The following DNAAF11 variants were observed in gnomAD, a reference collection of about 807,000 sequenced individuals.
The protein encoded by DNAAF11 is leucine rich repeat containing 6.
Under a neutral mutation model 60.8 loss-of-function variants are expected in DNAAF11, and 45 were observed. The ratio of observed to expected loss-of-function variants is 0.74; its 90% CI spans 0.58 to 0.95. The LOEUF (loss-of-function observed/expected upper bound fraction) is 0.95, where lower values mean the gene tolerates loss of function less well. Among genes scored for constraint, DNAAF11 ranks in the 40% least tolerant of loss-of-function variants. DNAAF11 has a pLI of 0.00. For synonymous variants in DNAAF11, 191 were observed against 183.5 expected, an observed-to-expected ratio of 1.04 and a Z score of -0.33; for missense variants, 546 against 546.2, an observed-to-expected ratio of 1.00 and a Z score of 0.00.
chr8:132,577,641 T>C (rs762154066), intron 11 of DNAAF11, among the ~76,000 whole-genome samples: 1 of 152,220 alleles, frequency 6.6e-6, no homozygotes, highest in Non-Finnish European at 1.5e-5. Flanking sequence ...CAATAGCCAC[T>C]GACATTGACA....
rs370428636 is a variant in DNAAF11 at position 132,617,151 on chromosome 8, A to T, written c.915-2054T>A. ...TATATTCTTAACAACATAACTGAATAGACAAGTCTTGAGCTCAGAGAAGAG... is the reference window on the plus strand; with the variant it reads ...TATATTCTTAACAACATAACTGAATTGACAAGTCTTGAGCTCAGAGAAGAG... On this transcript the variant is annotated intron_variant, in intron 7 of 11. Coordinates refer to ENST00000620350, the MANE Select transcript of DNAAF11 (RefSeq NM_012472.6). Among the ~76,000 whole-genome samples, 6 of 152,324 alleles carry T rather than the reference A, an allele frequency of 3.9e-5. 1 individual carries two copies. Among genetic ancestry groups the T allele is most frequent in the African/African-American group, 1.4e-4 (6 of 41,586 alleles).
chr8:132,671,700 A>G (rs928097188), intron 1 of DNAAF11, among the ~76,000 whole-genome samples: 2 of 152,194 alleles, frequency 1.3e-5, no homozygotes, highest in Non-Finnish European at 2.9e-5. Context: ...TGAATCAGAA[A>G]AGAAAGTCGA....
chr8:132,592,220 C>T (rs79170356), intron 10 of DNAAF11, among the ~76,000 whole-genome samples: 1 of 152,184 alleles, frequency 6.6e-6, no homozygotes, highest in Non-Finnish European at 1.5e-5. Flanking sequence ...CAAGTCAGCA[C>T]ACAGCTTTAG....
chr8:132,598,011 T>G (rs906942331), intron 10 of DNAAF11, among the ~76,000 whole-genome samples: 12 of 152,218 alleles, frequency 7.9e-5, no homozygotes, highest in African/African-American at 2.9e-4. Context: ...AAAAGTAATC[T>G]GGCTGTAGAT....
chr8:132,672,784 G>A (rs564025716), intron 1 of DNAAF11, among the ~76,000 whole-genome samples: 2 of 152,176 alleles, frequency 1.3e-5, no homozygotes, highest in Non-Finnish European at 2.9e-5. Flanking sequence ...AGGAGGTTGA[G>A]AATTGTGGAA....
intron 3 of DNAAF11, among the ~76,000 whole-genome samples, chr8:132,652,655 G>T (rs1248222628): frequency 6.6e-6 from 1 of 152,084 alleles, no homozygotes; most frequent in Non-Finnish European, 1.5e-5. Context: ...CATGGATGAC[G>T]CTGGAAACCA....
intron 6 of DNAAF11, 151 bp from the exon 7 acceptor site, chr8:132,622,839 G>A: frequency 1.6e-6 from 1 of 607,572 alleles, no homozygotes; most frequent in Non-Finnish European, 2.9e-6. Context: ...TTGTTCTTAA[G>A]TCCATTCCTT....
intron 5 of DNAAF11, among the ~76,000 whole-genome samples, chr8:132,628,956 G>C (rs1321706429): frequency 6.6e-6 from 1 of 152,110 alleles, no homozygotes; most frequent in African/African-American, 2.4e-5. Flanking sequence ...ATCAGACAAG[G>C]ATATTATAGC....
intron 1 of DNAAF11, among the ~76,000 whole-genome samples, chr8:132,665,252 A>C (rs1824520612): frequency 6.6e-6 from 1 of 152,136 alleles, no homozygotes; most frequent in South Asian, 2.1e-4. Flanking sequence ...CCCGAGAAGA[A>C]ATGTGTAAAG....
At position 132,570,614 on chromosome 8, in the gene DNAAF11, C is replaced by T. The variant is rs1335935774; in HGVS notation, c.*1692G>A. Among the ~76,000 whole-genome samples, 3 of 152,280 alleles carry T rather than the reference C, an allele frequency of 2.0e-5. No homozygotes were observed. Among genetic ancestry groups the T allele is most frequent in the East Asian group, 3.9e-4 (2 of 5,170 alleles). On this transcript the variant is annotated 3_prime_UTR_variant, in exon 12 of 12. Transcript: ENST00000620350. Reference sequence around the variant, plus strand: ...CTGTTTTCCAGAATTTCCTTCCCTACGTGGTTCCTGGGTAGAGTTGACCAT... The same window carrying T: ...CTGTTTTCCAGAATTTCCTTCCCTATGTGGTTCCTGGGTAGAGTTGACCAT...
intron 8 of DNAAF11, 23 bp from the exon 9 acceptor site, chr8:132,611,386 T>C: frequency 1.0e-5 from 14 of 1,402,852 alleles, no homozygotes; most frequent in Non-Finnish European, 1.4e-5. Context: ...ACACAGAAAA[T>C]CTTATAATTT....
intron 3 of DNAAF11, among the ~76,000 whole-genome samples, chr8:132,656,351 A>G (rs967727357): frequency 6.6e-6 from 1 of 152,206 alleles, no homozygotes; most frequent in African/African-American, 2.4e-5. Context: ...ATGGACTTCC[A>G]TTTTTGAATT....
intron 10 of DNAAF11, among the ~76,000 whole-genome samples, chr8:132,603,903 C>A (rs1229623822): frequency 6.6e-6 from 1 of 151,922 alleles, no homozygotes; most frequent in Non-Finnish European, 1.5e-5. Context: ...GAAATAGGAT[C>A]CAATACACAT....
At chr8:132,589,318 G>C (rs1367815701) in intron 10 of DNAAF11, among the ~76,000 whole-genome samples, 2 of 152,150 alleles carry the variant, frequency 1.3e-5, no homozygotes, top group Non-Finnish European at 2.9e-5. Flanking sequence ...CTGAAAAACA[G>C]ACAAAAGAGA....
chr8:132,636,668 C>T (rs764517816), intron 4 of DNAAF11, among the ~76,000 whole-genome samples: 27 of 152,286 alleles, frequency 1.8e-4, no homozygotes, highest in Non-Finnish European at 2.5e-4. Flanking sequence ...TCCAAGGGAA[C>T]GGCTCACAGC....
In DNAAF11 at chr8:132,625,460, A is replaced by G; in HGVS notation, c.654-6T>C. On this transcript the variant is annotated splice_region_variant and splice_polypyrimidine_tract_variant and intron_variant, in intron 5 of 11. Transcript: ENST00000620350. The stretch of plus-strand genomic sequence containing the variant: ...CTTTGCTCTCTAAAGAGGAACTAGG[A>G]AAAACAAATAGAGCACTTAAAAACA... The G allele has an allele frequency of 6.3e-7, 1 of 1,591,244 alleles. No individual in the cohort carries two copies.
At chr8:132,591,893 G>A (rs1268343873) in intron 10 of DNAAF11, among the ~76,000 whole-genome samples, 3 of 151,724 alleles carry the variant, frequency 2.0e-5, no homozygotes, top group Non-Finnish European at 4.4e-5. Flanking sequence ...GCTTTTCCTT[G>A]GTAATTTTTA....
At chr8:132,683,888 C>T in the DNAAF11 span, among the ~76,000 whole-genome samples, 1 of 152,106 alleles carries the variant, frequency 6.6e-6, no homozygotes, top group East Asian at 1.9e-4. Flanking sequence ...GAATACATGA[C>T]CTTACTTTGC....
chr8:132,620,353 G>A (rs1819626224), intron 7 of DNAAF11, among the ~76,000 whole-genome samples: 1 of 152,032 alleles, frequency 6.6e-6, no homozygotes, highest in Non-Finnish European at 1.5e-5. Flanking sequence ...CTTTTTTCTT[G>A]AGACAGGGTC....
Sources: allele counts gnomAD v4.1 joint callset (sites outside exome capture counted in the v4.1 genomes callset), GRCh38; gene constraint gnomAD v4.1.1; transcripts MANE v1.5; gene names NCBI Gene and HGNC (gene_info 2026-07-23, HGNC 2026-07-21).